Variants in KSR2 observed in about 807,000 individuals in gnomAD.
KSR2 encodes kinase suppressor of ras 2.
In KSR2, 25 loss-of-function variants were observed where a neutral mutation model predicts 107.8. The observed-to-expected ratio is 0.23, with a 90% CI of 0.17 to 0.32. The LOEUF (loss-of-function observed/expected upper bound fraction) is 0.32, where lower values mean the gene tolerates loss of function less well. Among genes scored for constraint, KSR2 ranks in the 10% least tolerant of loss-of-function variants. The pLI, the probability that KSR2 is intolerant of heterozygous loss-of-function variation, is 1.00. For missense variants in KSR2, 887 were observed against 1,268.9 expected (o/e 0.70, Z 4.57); for synonymous variants, 480 against 507.0 (o/e 0.95, Z 0.71).
chr12:117,821,039 G>A (rs1174890240), intron 3 of KSR2, among the ~76,000 whole-genome samples: 1 of 152,152 alleles, frequency 6.6e-6, no homozygotes, highest in Non-Finnish European at 1.5e-5. Flanking sequence ...GAGACTCTGG[G>A]CAAATGACAG....
At chr12:117,848,873 G>A (rs924449279) in intron 3 of KSR2, among the ~76,000 whole-genome samples, 6 of 109,970 alleles carry the variant, frequency 5.5e-5, no homozygotes, top group Non-Finnish European at 1.4e-4. Flanking sequence ...TGGTGATGAC[G>A]GTGCTAACAA....
At chr12:117,573,524 C>CTTTTTTT (rs35130903) in intron 7 of KSR2, among the ~76,000 whole-genome samples, 2 of 108,340 alleles carry the variant, frequency 1.8e-5, no homozygotes, top group Non-Finnish European at 3.6e-5. Context: ...CACATGTTAT[C>CTTTTTTT]TTTTTTTTTT....
intron 14 of KSR2, among the ~76,000 whole-genome samples, chr12:117,503,592 G>A (rs1454393156): frequency 6.6e-6 from 1 of 152,142 alleles, no homozygotes; most frequent in Non-Finnish European, 1.5e-5. Flanking sequence ...CTGGAGGATT[G>A]CCCAACCTAT....
chr12:117,527,672 T>C (rs1191300790), intron 12 of KSR2, among the ~76,000 whole-genome samples: 1 of 152,198 alleles, frequency 6.6e-6, no homozygotes, highest in Non-Finnish European at 1.5e-5. Flanking sequence ...CTTGGAGGGA[T>C]ATAGAATTGA....
intron 4 of KSR2, among the ~76,000 whole-genome samples, chr12:117,721,649 T>A (rs1464315201): frequency 6.6e-6 from 1 of 151,870 alleles, no homozygotes; most frequent in African/African-American, 2.4e-5. Flanking sequence ...GAAGAGGAGG[T>A]AGATGGGTTG....
chr12:117,544,253 A>T (rs1876699541), intron 9 of KSR2, among the ~76,000 whole-genome samples: 1 of 152,134 alleles, frequency 6.6e-6, no homozygotes, highest in Non-Finnish European at 1.5e-5. Context: ...AAGTATTTCC[A>T]TTTTGTTCAG....
At chr12:117,639,490 C>T (rs1387535350) in intron 5 of KSR2, among the ~76,000 whole-genome samples, 8 of 150,884 alleles carry the variant, frequency 5.3e-5, no homozygotes, top group African/African-American at 1.7e-4. Flanking sequence ...CCACCATGCC[C>T]GGCTAATTTT....
In KSR2 at chr12:117,485,520, T is replaced by C. The variant is rs1351601858; in HGVS notation, c.2316+75A>G. The C allele has an allele frequency of 3.6e-6, 4 of 1,107,314 alleles. No homozygotes were observed. In the African/African-American group the frequency reaches 6.2e-5, roughly 17 times the overall value. 68.6% of individuals were successfully genotyped at this position (1,107,314 alleles called of 1,614,324 possible). ...ATCCAACCATGAATCTTAGGAGCCC[T>C]GGGGTAGGGGGGCTTCCCTGGGGGA... On this transcript the variant is annotated intron_variant, in intron 15 of 19. Transcript: ENST00000339824.
At chr12:117,823,483 A>C (rs7960736) in intron 3 of KSR2, among the ~76,000 whole-genome samples, 69,084 of 151,942 alleles carry the variant, frequency 0.45, 16,207 homozygotes, top group African/African-American at 0.56. Flanking sequence ...AGGCTCCCAG[A>C]GTTCCAACTT....
intron 3 of KSR2, among the ~76,000 whole-genome samples, chr12:117,789,461 G>A (rs1890185763): frequency 6.6e-6 from 1 of 152,182 alleles, no homozygotes; most frequent in Non-Finnish European, 1.5e-5. Context: ...GTATCCACCA[G>A]GGAAAACTTA....
At chr12:117,736,319 T>A (rs1488760390) in intron 4 of KSR2, among the ~76,000 whole-genome samples, 1 of 152,160 alleles carries the variant, frequency 6.6e-6, no homozygotes, top group African/African-American at 2.4e-5. Context: ...TTTCTCTCCT[T>A]TAGTACTTCA....
At chr12:117,567,421 G>C (rs1010839486) in intron 7 of KSR2, among the ~76,000 whole-genome samples, 1 of 152,210 alleles carries the variant, frequency 6.6e-6, no homozygotes, top group African/African-American at 2.4e-5. Flanking sequence ...GGACAGAGGA[G>C]TAAGCAAACA....
At chr12:117,682,271 G>A (rs889520346) in intron 4 of KSR2, among the ~76,000 whole-genome samples, 3 of 152,158 alleles carry the variant, frequency 2.0e-5, no homozygotes, top group African/African-American at 7.2e-5. Flanking sequence ...CCTATTGCGG[G>A]GGCGGGGGGA....
chr12:117,739,527 A>T (rs184340711), intron 4 of KSR2, among the ~76,000 whole-genome samples: 44 of 152,338 alleles, frequency 2.9e-4, no homozygotes, highest in Non-Finnish European at 5.6e-4. Flanking sequence ...CATGAGTACA[A>T]TTAGTGCCGG....
chr12:117,587,724 T>C (rs1005346464), intron 5 of KSR2, among the ~76,000 whole-genome samples: 4 of 151,954 alleles, frequency 2.6e-5, no homozygotes, highest in African/African-American at 7.3e-5. Context: ...AATCAGAAAG[T>C]AAATGAGCCA....
At chr12:117,683,710 C>A (rs933606192) in intron 4 of KSR2, among the ~76,000 whole-genome samples, 1 of 152,132 alleles carries the variant, frequency 6.6e-6, no homozygotes, top group Non-Finnish European at 1.5e-5. Flanking sequence ...ATACATATTC[C>A]CCTCTTGTCC....
intron 3 of KSR2, among the ~76,000 whole-genome samples, chr12:117,789,039 C>T (rs1183826073): frequency 6.6e-6 from 1 of 152,200 alleles, no homozygotes; most frequent in Non-Finnish European, 1.5e-5. Context: ...GCATTTGCAA[C>T]AAGTTCTCAG....
intron 2 of KSR2, among the ~76,000 whole-genome samples, chr12:117,859,749 G>A (rs528992085): frequency 4.6e-5 from 7 of 152,292 alleles, no homozygotes; most frequent in East Asian, 1.9e-4. Context: ...GAGCCACTGC[G>A]CCCAGCTGAG....
At chr12:117,659,016 C>T (rs1251394752) in intron 5 of KSR2, among the ~76,000 whole-genome samples, 1 of 152,086 alleles carries the variant, frequency 6.6e-6, no homozygotes, top group African/African-American at 2.4e-5. Context: ...TTGTGTACAC[C>T]GTACAGTTCT....
Sources: allele counts gnomAD v4.1 joint callset (sites outside exome capture counted in the v4.1 genomes callset), GRCh38; gene constraint gnomAD v4.1.1; transcripts MANE v1.5; gene names NCBI Gene and HGNC (gene_info 2026-07-23, HGNC 2026-07-21).